CFAP20DC: variants seen among roughly 807,000 people sequenced by gnomAD.
CFAP20DC encodes CFAP20 domain containing.
Under a neutral mutation model 101.7 loss-of-function variants are expected in CFAP20DC, and 84 were observed. The ratio of observed to expected loss-of-function variants is 0.83; its 90% CI spans 0.69 to 0.99. The LOEUF (loss-of-function observed/expected upper bound fraction) is 0.99, where lower values mean the gene tolerates loss of function less well. Ranked by LOEUF, CFAP20DC falls within the 50% of genes least tolerant of loss-of-function variation. The pLI is 0.00. For synonymous variants in CFAP20DC, 359 were observed against 351.2 expected (o/e 1.02, Z -0.25); for missense variants, 1,007 against 970.3 (o/e 1.04, Z -0.50).
intron 4 of CFAP20DC, chr3:58,970,288 A>G (rs773209063): frequency 2.0e-5 from 3 of 152,182 alleles, no homozygotes; most frequent in African/African-American, 7.2e-5. Flanking sequence ...TGTAGATGTA[A>G]TCAAATTAAC....
At chr3:58,959,116 T>C (rs149206900) in intron 4 of CFAP20DC, among the ~76,000 whole-genome samples, 1,645 of 152,288 alleles carry the variant, frequency 0.011, 39 homozygotes, top group African/African-American at 0.037. Flanking sequence ...TTTTTTGAGA[T>C]GGAGTTTCAC....
intron 15 of CFAP20DC, among the ~76,000 whole-genome samples, chr3:58,798,685 C>T (rs892515244): frequency 4.6e-5 from 7 of 152,114 alleles, no homozygotes; most frequent in Non-Finnish European, 8.8e-5. Context: ...GAGTCTTTCA[C>T]GAAAGGAAGA....
At chr3:58,922,407 G>A (rs1035071762) in intron 5 of CFAP20DC, among the ~76,000 whole-genome samples, 17 of 152,230 alleles carry the variant, frequency 1.1e-4, no homozygotes, top group African/African-American at 3.9e-4. Context: ...TTGAAAGTTC[G>A]TGCCCAATGT....
chr3:58,852,558 T>A (rs867862560), intron 12 of CFAP20DC, among the ~76,000 whole-genome samples: 3 of 151,590 alleles, frequency 2.0e-5, no homozygotes, highest in African/African-American at 7.3e-5. Context: ...ACCACACCTA[T>A]TCCAAAATTG....
At chr3:58,876,583 T>G (rs146610531) in intron 7 of CFAP20DC, among the ~76,000 whole-genome samples, 58 of 152,090 alleles carry the variant, frequency 3.8e-4, no homozygotes, top group African/African-American at 1.3e-3. Context: ...CCACTAATTA[T>G]TTTCCTATTT....
Position 58,913,572 on chromosome 3 carries a change from A to G in CFAP20DC, c.550+136T>C, listed in dbSNP as rs1385187275. On this transcript the variant is annotated intron_variant, in intron 6 of 16. Transcript: ENST00000482387. This position sits in a 1 kb window ranked among gnomAD's most constrained non-coding sequence, Gnocchi z 4.4. ...ACATTTGATCTAGAACAAAGAAATC[A>G]GCATGACTGTTGACAAATTTACTTT... is the stretch of plus-strand genomic sequence containing the variant. 2 of 810,780 alleles carry G rather than the reference A, an allele frequency of 2.5e-6. No individual in the cohort carries two copies. Among genetic ancestry groups the G allele is most frequent in the African/African-American group, 1.7e-5 (1 of 58,516 alleles). The allele number at this position is 810,780 out of a possible 1,614,324, so 50.2% of individuals were successfully genotyped here. A position where few individuals can be genotyped will look rare whatever the true frequency, so the allele number is the denominator to read the frequency against.
intron 4 of CFAP20DC, among the ~76,000 whole-genome samples, chr3:58,986,123 A>G: frequency 6.6e-6 from 1 of 152,214 alleles, no homozygotes; most frequent in Non-Finnish European, 1.5e-5. Flanking sequence ...ACAAATACAT[A>G]GTCTGCGAAA....
At chr3:58,987,151 CAAG>C (rs1198137655) in intron 4 of CFAP20DC, among the ~76,000 whole-genome samples, 1 of 151,844 alleles carries the variant, frequency 6.6e-6, no homozygotes, top group African/African-American at 2.4e-5. Context: ...AAGGAAGAAA[CAAG>C]GAGATGGATG....
chr3:58,993,590 C>T (rs971379572), intron 4 of CFAP20DC, among the ~76,000 whole-genome samples: 4 of 152,104 alleles, frequency 2.6e-5, no homozygotes, highest in Non-Finnish European at 5.9e-5. Flanking sequence ...CCTCCCATTC[C>T]CCATCCTCCA....
At chr3:58,797,877 A>G (rs543223558) in intron 15 of CFAP20DC, among the ~76,000 whole-genome samples, 92 of 152,294 alleles carry the variant, frequency 6.0e-4, no homozygotes, top group African/African-American at 2.2e-3. Flanking sequence ...TGTGTTGTAT[A>G]AAAGGACCAA....
chr3:58,836,933 A>G (rs543518663), intron 13 of CFAP20DC, among the ~76,000 whole-genome samples: 1 of 152,246 alleles, frequency 6.6e-6, no homozygotes, highest in Non-Finnish European at 1.5e-5. Context: ...TTAAAGCTTC[A>G]TAAAGGATGG....
In CFAP20DC at chr3:58,960,319, C is replaced by G. The variant is rs554148397; in HGVS notation, c.279-22557G>C. ...ACTAGCCTGACCAACATGGAGAAAC[C>G]CCATCTCTACTGAAAATACAAAATT... On this transcript the variant is annotated intron_variant, in intron 4 of 16. Coordinates refer to ENST00000482387, the MANE Select transcript of CFAP20DC (RefSeq NM_001394063.1). 4.0e-5 allele frequency among the ~76,000 whole-genome samples: 6 copies of G among 151,190 alleles called. No homozygotes were observed. In the South Asian group the frequency reaches 1.1e-3, roughly 27 times the overall value.
At chr3:58,898,190 T>G (rs1213659692) in intron 6 of CFAP20DC, among the ~76,000 whole-genome samples, 19 of 151,862 alleles carry the variant, frequency 1.3e-4, no homozygotes, top group Non-Finnish European at 2.8e-4. Context: ...TTTTTTTTTT[T>G]GTGAGATAGT....
At chr3:59,036,547 G>T (rs746978426) in intron 4 of CFAP20DC, among the ~76,000 whole-genome samples, 22 of 152,096 alleles carry the variant, frequency 1.4e-4, no homozygotes, top group Non-Finnish European at 2.8e-4. Context: ...ATTCACAAGT[G>T]CTACAAAGAG....
At chr3:59,046,670 T>C (rs1165274948) in intron 2 of CFAP20DC, among the ~76,000 whole-genome samples, 2 of 152,126 alleles carry the variant, frequency 1.3e-5, no homozygotes, top group East Asian at 1.9e-4. Context: ...GAACAGTCAA[T>C]GGCCTAAAGT....
intron 6 of CFAP20DC, among the ~76,000 whole-genome samples, chr3:58,889,321 C>A (rs1449515558): frequency 2.0e-5 from 3 of 152,136 alleles, no homozygotes; most frequent in African/African-American, 7.2e-5. Context: ...CCCATCACAG[C>A]AACCAATAGA....
intron 4 of CFAP20DC, among the ~76,000 whole-genome samples, chr3:58,944,558 G>C (rs1160561284): frequency 6.6e-6 from 1 of 152,168 alleles, no homozygotes; most frequent in African/African-American, 2.4e-5. Context: ...TGTTTACCAA[G>C]AGACTAGTAT....
chr3:59,033,385 T>A (rs1347802351), intron 4 of CFAP20DC, among the ~76,000 whole-genome samples: 14 of 151,962 alleles, frequency 9.2e-5, no homozygotes, highest in Admixed American at 9.2e-4. Context: ...AGAAGGTGGG[T>A]AATAACAAAC....
At chr3:58,806,318 C>T in intron 15 of CFAP20DC, 77 bp downstream of exon 15, 1 of 1,034,716 alleles carries the variant, frequency 9.7e-7, no homozygotes, top group South Asian at 1.4e-5. Flanking sequence ...AAAACAATTT[C>T]AGAAAACCAA....
Sources: gnomAD v4.1 joint callset for allele counts (sites outside exome capture counted in the v4.1 genomes callset) on GRCh38, gnomAD v4.1.1 for gene constraint, Gnocchi (gnomAD v3.1) non-coding constraint, MANE v1.5 for transcripts, NCBI Gene and HGNC (gene_info 2026-07-23, HGNC 2026-07-21) for gene names.